ARHGAP26: variants seen among roughly 807,000 people sequenced by gnomAD.
ARHGAP26 encodes the protein Rho GTPase activating protein 26.
A neutral mutation model predicts 104.8 loss-of-function variants in ARHGAP26; 38 were observed. That is an observed-to-expected ratio of 0.36 (90% CI 0.28 to 0.48). The LOEUF (loss-of-function observed/expected upper bound fraction) is 0.48. Among genes scored for constraint, ARHGAP26 ranks in the 20% least tolerant of loss-of-function variants. The pLI is 0.99. For synonymous variants in ARHGAP26, 341 were observed against 340.0 expected, an observed-to-expected ratio of 1.00 and a Z score of -0.03; for missense variants, 704 against 947.9, an observed-to-expected ratio of 0.74 and a Z score of 3.38.
chr5:142,820,898 C>G (rs1316040872), intron 1 of ARHGAP26, among the ~76,000 whole-genome samples: 1 of 152,126 alleles, frequency 6.6e-6, no homozygotes, highest in Non-Finnish European at 1.5e-5. Flanking sequence ...TCAAGGGTAA[C>G]TAGGTAGGAC....
At chr5:142,863,173 C>T (rs60985630) in intron 1 of ARHGAP26, among the ~76,000 whole-genome samples, 43 of 151,304 alleles carry the variant, frequency 2.8e-4, no homozygotes, top group African/African-American at 1.0e-3. Flanking sequence ...TGCTATGGCA[C>T]GATCTCGGCT....
intron 20 of ARHGAP26, among the ~76,000 whole-genome samples, chr5:143,167,315 A>AT: frequency 1.3e-5 from 2 of 148,590 alleles, no homozygotes; most frequent in African/African-American, 4.9e-5. Flanking sequence ...TTTAAAAAAA[A>AT]AAAAAAAAAA....
At chr5:142,812,025 G>A (rs149759843) in intron 1 of ARHGAP26, among the ~76,000 whole-genome samples, 76 of 152,260 alleles carry the variant, frequency 5.0e-4, no homozygotes, top group Non-Finnish European at 9.6e-4. Context: ...CTGCTGTGAT[G>A]AGTTGGCATT....
At chr5:142,936,008 G>C (rs1352118856) in intron 11 of ARHGAP26, among the ~76,000 whole-genome samples, 3 of 151,854 alleles carry the variant, frequency 2.0e-5, no homozygotes, top group African/African-American at 7.3e-5. Flanking sequence ...CAGTGCAGTA[G>C]GGCAAGAAAT....
intron 14 of ARHGAP26, among the ~76,000 whole-genome samples, chr5:143,052,951 A>T (rs1785253756): frequency 6.6e-6 from 1 of 152,136 alleles, no homozygotes; most frequent in Admixed American, 6.5e-5. Context: ...CATCATTTAG[A>T]TCTCTTTGCA....
chr5:143,218,318 C>T lies in ARHGAP26; in HGVS notation c.2192-4040C>T, dbSNP rs191049349. On this transcript the variant is annotated intron_variant, in intron 22 of 22. Transcript: ENST00000645722. ...TTTTACCACTACCTAAAATTATATG[C>T]TTGCTTATTGCTTGATTGTCCTGCC... is the stretch of plus-strand genomic sequence containing the variant. Among the ~76,000 whole-genome samples, 581 of 152,354 alleles carry T rather than the reference C, an allele frequency of 3.8e-3. 3 individuals are homozygous for T. The highest frequency in any genetic ancestry group is 0.013 in the African/African-American group (558 of 41,588).
intron 11 of ARHGAP26, among the ~76,000 whole-genome samples, chr5:142,995,677 A>G (rs1461345061): frequency 6.6e-6 from 1 of 152,204 alleles, no homozygotes; most frequent in African/African-American, 2.4e-5. Context: ...TATCCAAAGG[A>G]TTACAAATCA....
rs146040789 is a variant in ARHGAP26, at chr5:143,121,764, G to A, written c.1698+617G>A. Among the ~76,000 whole-genome samples the A allele has an allele frequency of 1.8e-3, 277 of 152,228 alleles. 2 individuals are homozygous for A. The highest frequency in any genetic ancestry group is 6.8e-3 in the Middle Eastern group (2 of 294). Reference sequence around the variant, plus strand: ...CCAATTTGAAGAATATTAACGCAGAGCTGCCCTTGTAAAACTGGGGAGGGG... The same window carrying A: ...CCAATTTGAAGAATATTAACGCAGAACTGCCCTTGTAAAACTGGGGAGGGG... On this transcript the variant is annotated intron_variant, in intron 18 of 22. Transcript: ENST00000645722.
chr5:142,838,935 A>G (rs1406199251), intron 1 of ARHGAP26, among the ~76,000 whole-genome samples: 1 of 152,216 alleles, frequency 6.6e-6, no homozygotes, highest in East Asian at 1.9e-4. Context: ...TTATGCCATC[A>G]TGACTTATTT....
intron 11 of ARHGAP26, among the ~76,000 whole-genome samples, chr5:142,934,665 G>A (rs42466): frequency 0.2 from 30,940 of 152,044 alleles, 3,696 homozygotes; most frequent in East Asian, 0.46. Context: ...GTCGGTGTTA[G>A]TGTCGTTGCC....
chr5:143,204,619 C>T (rs182926480), intron 20 of ARHGAP26, among the ~76,000 whole-genome samples: 8 of 152,270 alleles, frequency 5.3e-5, no homozygotes, highest in African/African-American at 1.9e-4. Context: ...ATTCCAGCCG[C>T]ACCCCCAGAT....
intron 14 of ARHGAP26, among the ~76,000 whole-genome samples, chr5:143,050,008 GCC>G (rs761950931): frequency 2.6e-5 from 4 of 152,112 alleles, no homozygotes; most frequent in Non-Finnish European, 5.9e-5. Flanking sequence ...AGCTCTGGGT[GCC>G]CCAGAAAGTA....
intron 1 of ARHGAP26, among the ~76,000 whole-genome samples, chr5:142,820,106 A>G (rs1561896986): frequency 6.6e-6 from 1 of 152,176 alleles, no homozygotes; most frequent in Non-Finnish European, 1.5e-5. Flanking sequence ...AGAGATTTTG[A>G]TGTAGCAGTG....
chr5:143,218,843 A>G (rs1294625715), intron 22 of ARHGAP26, among the ~76,000 whole-genome samples: 5 of 152,236 alleles, frequency 3.3e-5, no homozygotes, highest in African/African-American at 4.8e-5. Context: ...GTAGTAGTTA[A>G]GGTGACAGAC....
At chr5:142,817,317 G>A (rs377206760) in intron 1 of ARHGAP26, among the ~76,000 whole-genome samples, 104 of 152,326 alleles carry the variant, frequency 6.8e-4, no homozygotes, top group African/African-American at 2.4e-3. Context: ...AGTGGCGAGT[G>A]CCACCTTCAC....
chr5:143,138,574 C>T (rs968099010), intron 19 of ARHGAP26, among the ~76,000 whole-genome samples: 2 of 152,132 alleles, frequency 1.3e-5, no homozygotes, highest in Admixed American at 6.5e-5. Flanking sequence ...TAGATAGGAA[C>T]GGTGGTCTGT....
chr5:142,912,590 T>C (rs1761971017), intron 9 of ARHGAP26, among the ~76,000 whole-genome samples: 1 of 152,170 alleles, frequency 6.6e-6, no homozygotes, highest in Admixed American at 6.5e-5. Context: ...TAAAATGTAT[T>C]TATTGAGGAG....
At position 142,873,674 on chromosome 5, in the gene ARHGAP26, T is replaced by C. The variant is rs533683011; in HGVS notation, c.250+179T>C. ...GGAGCTTGGGGCTACTCTGGTCTTCTCGAGTTTTGGGATTGCCTCACCCTC... is the reference window on the plus strand; with the variant it reads ...GGAGCTTGGGGCTACTCTGGTCTTCCCGAGTTTTGGGATTGCCTCACCCTC... On this transcript the variant is annotated intron_variant, in intron 2 of 22. Transcript: ENST00000645722. 7.9e-5 allele frequency among the ~76,000 whole-genome samples: 12 copies of C among 152,320 alleles called. No homozygotes were observed. The East Asian group carries it at 2.3e-3, about 29-fold the overall frequency.
intron 14 of ARHGAP26, among the ~76,000 whole-genome samples, chr5:143,046,179 C>T (rs1005154446): frequency 1.3e-5 from 2 of 151,962 alleles, no homozygotes; most frequent in African/African-American, 4.8e-5. Context: ...GTGGTGTGCA[C>T]CTATAGCCCT....
Sources: gnomAD v4.1 joint callset for allele counts (sites outside exome capture counted in the v4.1 genomes callset) on GRCh38, gnomAD v4.1.1 for gene constraint, MANE v1.5 for transcripts, NCBI Gene and HGNC (gene_info 2026-07-23, HGNC 2026-07-21) for gene names.